GPAT4: variants seen among roughly 807,000 people sequenced by gnomAD.
GPAT4 encodes the protein glycerol-3-phosphate acyltransferase 4.
In GPAT4, 17 loss-of-function variants were observed where a neutral mutation model predicts 58.0. The ratio of observed to expected loss-of-function variants is 0.29; its 90% CI spans 0.20 to 0.44. The LOEUF is 0.44. Among genes scored for constraint, GPAT4 ranks in the 20% least tolerant of loss-of-function variants. GPAT4 has a pLI of 1.00. For missense variants in GPAT4, 377 were observed against 574.5 expected (o/e 0.66, Z 3.51); for synonymous variants, 204 against 210.1 (o/e 0.97, Z 0.25).
intron 10 of GPAT4, among the ~76,000 whole-genome samples, chr8:41,616,537 C>A (rs564648877): frequency 1.3e-5 from 2 of 152,118 alleles, no homozygotes; most frequent in African/African-American, 4.8e-5. Flanking sequence ...TCAAGTGATC[C>A]GCCTGCCTTG....
In GPAT4 at chr8:41,620,950, G is replaced by A; in HGVS notation, c.1320G>A (p.Lys440=). Residue 440 remains lysine (K), a synonymous_variant, in exon 13 of 13, where the codon AAG becomes AAA. Transcript: ENST00000396987. The part of the protein sequence containing the change: ...VKDTFKEEQQ[K]LYSKMIVGNH... ...ACACGTTCAAGGAGGAGCAGCAGAAGCTGTACAGCAAGATGATCGTGGGGA... is the reference window on the plus strand; with the variant it reads ...ACACGTTCAAGGAGGAGCAGCAGAAACTGTACAGCAAGATGATCGTGGGGA... 1 of 1,551,756 alleles carries A rather than the reference G, an allele frequency of 6.4e-7. No homozygotes were observed. Among genetic ancestry groups the A allele is most frequent in the Non-Finnish European group, 8.7e-7 (1 of 1,147,310 alleles).
rs373953941 is a variant in GPAT4 at position 41,609,497 on chromosome 8, G to C, written c.235+12G>C. 3.7e-6 allele frequency: 6 copies of C among 1,613,852 alleles called. No homozygotes were observed. In the East Asian group the frequency reaches 6.7e-5, roughly 18 times the overall value. ...GCCCTACACCAACGGTAAGATGGGGGTGTGATCCTTGTCCTGAGAGGTCCA... is the reference window on the plus strand; with the variant it reads ...GCCCTACACCAACGGTAAGATGGGGCTGTGATCCTTGTCCTGAGAGGTCCA... On this transcript the variant is annotated intron_variant, in intron 3 of 12. Coordinates refer to ENST00000396987, the MANE Select transcript of GPAT4 (RefSeq NM_178819.4).
At chr8:41,580,474 A>G (rs1278044223) in intron 1 of GPAT4, among the ~76,000 whole-genome samples, 1 of 152,202 alleles carries the variant, frequency 6.6e-6, no homozygotes, top group African/African-American at 2.4e-5. Flanking sequence ...ATTTCCTAGC[A>G]AAATTTATGC....
chr8:41,594,605 G>T (rs1051046237), intron 1 of GPAT4, among the ~76,000 whole-genome samples: 9 of 146,694 alleles, frequency 6.1e-5, no homozygotes, highest in African/African-American at 1.8e-4. Context: ...GAGTGCAGTG[G>T]TCCGATCTCG....
chr8:41,599,321 CA>C lies in GPAT4; in HGVS notation c.165+21del. 1.2e-6 allele frequency: 2 copies of C among 1,612,572 alleles called. No homozygotes were observed. Among genetic ancestry groups the C allele is most frequent in the Non-Finnish European group, 1.7e-6 (2 of 1,179,572 alleles). ...ATCTTTGCGGTAAGTTATGCTGTTA[CA>C]AAAGGTTGCTTCACAGAGGAGGGTA... On this transcript the variant is annotated intron_variant, in intron 2 of 12. Coordinates refer to ENST00000396987, the MANE Select transcript of GPAT4 (RefSeq NM_178819.4).
intron 9 of GPAT4, among the ~76,000 whole-genome samples, chr8:41,614,699 G>A (rs748373324): frequency 3.2e-4 from 48 of 152,206 alleles, no homozygotes; most frequent in Non-Finnish European, 5.3e-4. Flanking sequence ...AGCTCATGGT[G>A]TCCTCCTAAG....
chr8:41,607,518 G>C (rs1803313953), intron 2 of GPAT4, among the ~76,000 whole-genome samples: 1 of 151,358 alleles, frequency 6.6e-6, no homozygotes, highest in Non-Finnish European at 1.5e-5. Context: ...AGAATTGTCA[G>C]TACAGAATCA....
At chr8:41,600,078 G>A (rs1478321860) in intron 2 of GPAT4, among the ~76,000 whole-genome samples, 2 of 118,048 alleles carry the variant, frequency 1.7e-5, no homozygotes, top group Admixed American at 1.1e-4. Context: ...TCACTCTGTC[G>A]CCCAGGCTGG....
At chr8:41,617,352 A>G (rs752686369) in intron 10 of GPAT4, among the ~76,000 whole-genome samples, 29 of 152,196 alleles carry the variant, frequency 1.9e-4, no homozygotes, top group Admixed American at 3.9e-4. Context: ...CGACAGTGTG[A>G]GACTCTTGTC....
intron 1 of GPAT4, among the ~76,000 whole-genome samples, chr8:41,589,397 A>C (rs1802734762): frequency 6.6e-6 from 1 of 151,762 alleles, no homozygotes. Flanking sequence ...GGACTGGGAG[A>C]GCCAGCAGGG....
intron 1 of GPAT4, among the ~76,000 whole-genome samples, chr8:41,597,806 C>T (rs1435772718): frequency 1.3e-5 from 2 of 152,202 alleles, no homozygotes; most frequent in Admixed American, 6.5e-5. Context: ...AAACAAAAAG[C>T]AAGGTGAAGA....
intron 1 of GPAT4, among the ~76,000 whole-genome samples, chr8:41,595,915 C>T (rs972374491): frequency 2.6e-5 from 4 of 151,104 alleles, no homozygotes; most frequent in South Asian, 2.1e-4. Context: ...ACCACTGTGG[C>T]GGGGCAGGGG....
chr8:41,600,868 C>G (rs1270034510), intron 2 of GPAT4, among the ~76,000 whole-genome samples: 1 of 152,150 alleles, frequency 6.6e-6, no homozygotes, highest in Non-Finnish European at 1.5e-5. Context: ...CCTTTTGTGT[C>G]TGGCTTCTTT....
chr8:41,581,315 C>T (rs1447156135), intron 1 of GPAT4, among the ~76,000 whole-genome samples: 1 of 152,218 alleles, frequency 6.6e-6, no homozygotes. Flanking sequence ...CACAGAGTCT[C>T]ATCTAGGGCT....
chr8:41,614,159 C>T lies in GPAT4; in HGVS notation c.912-227C>T, dbSNP rs144948646. Among the ~76,000 whole-genome samples, 600 of 152,254 alleles carry T rather than the reference C, an allele frequency of 3.9e-3. 2 individuals are homozygous for T. The highest frequency in any genetic ancestry group is 0.014 in the Middle Eastern group (4 of 294). On this transcript the variant is annotated intron_variant, in intron 8 of 12. Coordinates refer to ENST00000396987, the MANE Select transcript of GPAT4 (RefSeq NM_178819.4). ...GTGGCATCATTGGTGCTCCGATGTTCGCACAGAATTGAACAGTTCTGTGAA... is the reference window on the plus strand; with the variant it reads ...GTGGCATCATTGGTGCTCCGATGTTTGCACAGAATTGAACAGTTCTGTGAA...
At chr8:41,610,553 G>C in intron 4 of GPAT4, 183 bp from the exon 5 acceptor site, 1 of 1,492,634 alleles carries the variant, frequency 6.7e-7, no homozygotes, top group Non-Finnish European at 8.9e-7. Context: ...CTGTCAGCTG[G>C]AATCAAAAGG....
At chr8:41,582,476 CATCTTT>C (rs1189228447) in intron 1 of GPAT4, among the ~76,000 whole-genome samples, 2 of 100,204 alleles carry the variant, frequency 2.0e-5, no homozygotes, top group Non-Finnish European at 4.6e-5. Flanking sequence ...CACACACACA[CATCTTT>C]CTTTCTTTCT....
chr8:41,587,856 G>A (rs1359455010), intron 1 of GPAT4, among the ~76,000 whole-genome samples: 1 of 152,208 alleles, frequency 6.6e-6, no homozygotes. Flanking sequence ...GTTCTTTGTA[G>A]AGGTTGAACC....
At position 41,582,694 on chromosome 8, in the gene GPAT4, T is replaced by TGTGTGTGTGG. The variant is rs892299561; in HGVS notation, c.-849+4417_-849+4418insTGTGTGTGGG. Among the ~76,000 whole-genome samples the TGTGTGTGTGG allele has an allele frequency of 9.7e-5, 14 of 145,072 alleles. No individual in the cohort carries two copies. In the East Asian group the frequency reaches 2.2e-3, roughly 23 times the overall value. On this transcript the variant is annotated intron_variant, in intron 1 of 12. Transcript: ENST00000396987. ...GAGAGAGTGTGTGTGTGTGTGTGTG[T>TGTGTGTGTGG]GGGTGTATCTCAAAACATCACATTG...
Sources: allele counts gnomAD v4.1 joint callset (sites outside exome capture counted in the v4.1 genomes callset), GRCh38; gene constraint gnomAD v4.1.1; transcripts MANE v1.5; gene names NCBI Gene and HGNC (gene_info 2026-07-23, HGNC 2026-07-21).